The following UTP4 variants were observed in gnomAD, a reference collection of about 807,000 sequenced individuals.
The protein encoded by UTP4 is UTP4 small subunit processome component, also known as U3 small nucleolar RNA-associated protein 4 homolog.
In UTP4, 45 loss-of-function variants were observed where a neutral mutation model predicts 82.4. The ratio of observed to expected loss-of-function variants is 0.55; its 90% CI spans 0.43 to 0.70. The LOEUF (loss-of-function observed/expected upper bound fraction) is 0.70, where lower values mean the gene tolerates loss of function less well. Among genes scored for constraint, UTP4 ranks in the 30% least tolerant of loss-of-function variants. UTP4 has a pLI of 0.00. For synonymous variants in UTP4, 348 were observed against 300.3 expected (o/e 1.16, Z -1.64); for missense variants, 819 against 858.3 (o/e 0.95, Z 0.57).
rs143266806 is a variant in UTP4 at position 69,167,305 on chromosome 16, G to T, written c.1944+120G>T. The T allele has an allele frequency of 1.3e-3, 972 of 726,400 alleles. 3 individuals carry two copies. Among genetic ancestry groups the T allele is most frequent in the African/African-American group, 0.011 (637 of 57,348 alleles). The allele number at this position is 726,400 out of a possible 1,614,324, so 45.0% of individuals were successfully genotyped here. A position where few individuals can be genotyped will look rare whatever the true frequency, so the allele number is the denominator to read the frequency against. ...TTTCCATGCAGAGAACCTGGCTTGT[G>T]GGAGACAAGTCACCTTTTTGAGGCT... is the stretch of plus-strand genomic sequence containing the variant. On this transcript the variant is annotated intron_variant, in intron 16 of 16. Coordinates refer to ENST00000314423, the MANE Select transcript of UTP4 (RefSeq NM_032830.3).
chr16:69,163,880 G>GTT (rs201368311), intron 14 of UTP4, among the ~76,000 whole-genome samples: 3,782 of 132,314 alleles, frequency 0.029, 279 homozygotes, highest in African/African-American at 0.1. Context: ...TTGATGGTCA[G>GTT]TTTGTTTTTT....
At chr16:69,163,661 G>T (rs1045575567) in intron 14 of UTP4, among the ~76,000 whole-genome samples, 3 of 149,602 alleles carry the variant, frequency 2.0e-5, no homozygotes, top group Non-Finnish European at 4.4e-5. Context: ...TTTGTAAGGA[G>T]ATTGTGATTA....
Position 69,156,011 on chromosome 16 carries a change from A to G in UTP4, c.1287+18A>G. 2 of 1,613,626 alleles carry G rather than the reference A, an allele frequency of 1.2e-6. No homozygotes were observed. The highest frequency in any genetic ancestry group is 1.7e-6 in the Non-Finnish European group (2 of 1,179,538). On this transcript the variant is annotated intron_variant, in intron 11 of 16. Transcript: ENST00000314423. The stretch of plus-strand genomic sequence containing the variant: ...TCAAAAGGGTAAGTGATAGTCCAAT[A>G]TCTGGTCACATAAGAGGAAACTTCC...
intron 14 of UTP4, among the ~76,000 whole-genome samples, chr16:69,164,809 T>C (rs1175973980): frequency 6.6e-6 from 1 of 151,798 alleles, no homozygotes; most frequent in Non-Finnish European, 1.5e-5. Context: ...ATGACCGATA[T>C]ATATGTGTAT....
chr16:69,148,998 G>C (rs933591957), intron 6 of UTP4, among the ~76,000 whole-genome samples: 1 of 151,828 alleles, frequency 6.6e-6, no homozygotes, highest in Non-Finnish European at 1.5e-5. Context: ...TTAAAGATGA[G>C]ACTTTGGGAG....
chr16:69,143,288 G>T lies in UTP4; in HGVS notation c.637G>T (p.Asp213Tyr). The T allele has an allele frequency of 6.2e-7, 1 of 1,614,216 alleles. No homozygotes were observed. The highest frequency in any genetic ancestry group is 8.5e-7 in the Non-Finnish European group (1 of 1,180,040). The change falls in exon 6 of 17, where the codon GAC (aspartate) becomes TAC (tyrosine). Residue 213 changes from aspartate to tyrosine, a missense_variant. By Grantham distance (160) the Asp-to-Tyr change is radical. Coordinates refer to ENST00000314423, the MANE Select transcript of UTP4 (RefSeq NM_032830.3). ...GTCCGATGGCACTATCATAAGTGTG[G>T]ACTCTGCTGGGAAGGTGCAGTTCTG... Reference protein sequence around the residue: ...FLSDGTIISVDSAGKVQFWDS... With the variant: ...FLSDGTIISVYSAGKVQFWDS...
intron 4 of UTP4, 185 bp downstream of exon 4, chr16:69,138,070 G>A (rs1468489692): frequency 3.4e-6 from 2 of 584,148 alleles, no homozygotes; most frequent in African/African-American, 3.7e-5. Flanking sequence ...AGTTGTGACT[G>A]CTTGGTTAAG....
chr16:69,155,102 A>G (rs1963376801), intron 10 of UTP4, among the ~76,000 whole-genome samples: 1 of 152,200 alleles, frequency 6.6e-6, no homozygotes, highest in South Asian at 2.1e-4. Flanking sequence ...TAAAAACTAC[A>G]TACATGTTAC....
At chr16:69,136,953 T>C (rs1244900690) in intron 3 of UTP4, 66 bp downstream of exon 3, 2 of 1,353,322 alleles carry the variant, frequency 1.5e-6, no homozygotes, top group African/African-American at 1.4e-5. Flanking sequence ...CTTTCTTCCC[T>C]GTGCTCATAG....
At chr16:69,152,247 G>A (rs1193718263) in intron 8 of UTP4, among the ~76,000 whole-genome samples, 1 of 151,426 alleles carries the variant, frequency 6.6e-6, no homozygotes, top group East Asian at 1.9e-4. Context: ...TTGCATTTGT[G>A]TCATTCTAGC....
In UTP4 at chr16:69,150,523, A is replaced by T. The variant is rs369743079; in HGVS notation, c.739-14A>T. On this transcript the variant is annotated splice_polypyrimidine_tract_variant and intron_variant, in intron 6 of 16. Transcript: ENST00000314423. The stretch of plus-strand genomic sequence containing the variant: ...TTTGCTTACGTGTACCTCCCTCATG[A>T]TTTAATTCCTCAGCAAGAAGACAGT... 9 of 1,614,040 alleles carry T rather than the reference A, an allele frequency of 5.6e-6. No homozygotes were observed. In the African/African-American group the frequency reaches 1.2e-4, roughly 22 times the overall value.
chr16:69,133,560 C>G lies in UTP4; in HGVS notation c.101C>G (p.Ser34Ter). ...AACCAGTCAAACAGATTGGCTGTTT[C>G]ACGAACAGATGGCACTGTGGAAATT... Reference protein sequence around the residue: ...YNNQSNRLAVSRTDGTVEIYN... With the variant: ...YNNQSNRLAV Residue 34 changes from serine (S) to a stop codon, truncating the protein, a stop_gained, in exon 2 of 17, where the codon TCA (serine) becomes TGA (stop). Transcript: ENST00000314423. LOFTEE classifies it high-confidence loss of function. 1 of 1,614,074 alleles carries G rather than the reference C, an allele frequency of 6.2e-7. No individual in the cohort carries two copies. Among genetic ancestry groups the G allele is most frequent in the South Asian group, 1.1e-5 (1 of 91,076 alleles).
At chr16:69,156,977 A>T in intron 11 of UTP4, 107 bp from the exon 12 acceptor site, 1 of 1,163,298 alleles carries the variant, frequency 8.6e-7, no homozygotes, top group Non-Finnish European at 1.3e-6. Flanking sequence ...CAGTTGGCTT[A>T]CTTAGAGACA....
At chr16:69,165,229 G>A (rs1597155091) in intron 14 of UTP4, 112 bp from the exon 15 acceptor site, 1 of 857,392 alleles carries the variant, frequency 1.2e-6, no homozygotes, top group East Asian at 2.5e-5. Flanking sequence ...AGCATAGAAT[G>A]AATATAATAC....
intron 14 of UTP4, among the ~76,000 whole-genome samples, chr16:69,163,684 T>TAA (rs35216155): frequency 2.3e-4 from 33 of 142,472 alleles, no homozygotes; most frequent in African/African-American, 4.8e-4. Context: ...AGGAGATCTT[T>TAA]AAAAAAAAAA....
At chr16:69,153,166 A>G (rs1963320638) in intron 8 of UTP4, among the ~76,000 whole-genome samples, 1 of 152,144 alleles carries the variant, frequency 6.6e-6, no homozygotes, top group Admixed American at 6.5e-5. Context: ...GTCACATGCC[A>G]TCACCCTCCT....
At chr16:69,134,173 A>G (rs1962742168) in intron 2 of UTP4, among the ~76,000 whole-genome samples, 1 of 152,114 alleles carries the variant, frequency 6.6e-6, no homozygotes, top group African/African-American at 2.4e-5. Context: ...TCTCCCCTCC[A>G]AGGGCACTGA....
At chr16:69,136,977 T>C (rs2152276645) in intron 3 of UTP4, 90 bp downstream of exon 3, 5 of 1,108,982 alleles carry the variant, frequency 4.5e-6, no homozygotes, top group Admixed American at 1.7e-5. Flanking sequence ...AGTAACGATA[T>C]ATTATGGCAT....
At chr16:69,144,985 TG>T (rs2152278627) in intron 6 of UTP4, among the ~76,000 whole-genome samples, 1 of 152,002 alleles carries the variant, frequency 6.6e-6, no homozygotes, top group African/African-American at 2.4e-5. Flanking sequence ...CTACTAAAAA[TG>T]CAAAAATTAG....
Sources: allele counts gnomAD v4.1 joint callset (sites outside exome capture counted in the v4.1 genomes callset), GRCh38; gene constraint gnomAD v4.1.1; transcripts MANE v1.5; gene names NCBI Gene and HGNC (gene_info 2026-07-23, HGNC 2026-07-21).